Variants in CADM2 observed in about 807,000 individuals in gnomAD.
The protein encoded by CADM2 is immunoglobulin superfamily member 4D.
Under a neutral mutation model 49.8 loss-of-function variants are expected in CADM2, and 12 were observed. The ratio of observed to expected loss-of-function variants is 0.24; its 90% CI spans 0.15 to 0.39. The LOEUF (loss-of-function observed/expected upper bound fraction) is 0.39. Among genes scored for constraint, CADM2 ranks in the 10% least tolerant of loss-of-function variants. The pLI is 1.00. For missense variants in CADM2, 378 were observed against 492.3 expected (o/e 0.77, Z 2.20); for synonymous variants, 214 against 175.4 (o/e 1.22, Z -1.74).
chr3:85,459,180 C>G (rs1323386371), intron 1 of CADM2, among the ~76,000 whole-genome samples: 2 of 152,184 alleles, frequency 1.3e-5, no homozygotes, highest in Middle Eastern at 3.2e-3. Context: ...GGCCCATGTT[C>G]TCTGAGATTC....
At chr3:85,736,866 A>C (rs1039380973) in intron 2 of CADM2, among the ~76,000 whole-genome samples, 1 of 152,206 alleles carries the variant, frequency 6.6e-6, no homozygotes, top group African/African-American at 2.4e-5. Context: ...ACAGTAGTCC[A>C]GGGAGAAATA....
At chr3:85,578,580 G>T (rs185256363) in intron 1 of CADM2, among the ~76,000 whole-genome samples, 1 of 152,140 alleles carries the variant, frequency 6.6e-6, no homozygotes, top group Admixed American at 6.5e-5. Context: ...TAATTTATTC[G>T]TCAGCATCAC....
At chr3:85,476,430 C>T (rs1050614624) in intron 1 of CADM2, among the ~76,000 whole-genome samples, 12 of 151,898 alleles carry the variant, frequency 7.9e-5, no homozygotes, top group African/African-American at 2.9e-4. Context: ...AAATGATATT[C>T]TTTAAAAATA....
intron 1 of CADM2, among the ~76,000 whole-genome samples, chr3:85,208,640 C>T (rs189506435): frequency 4.6e-5 from 7 of 152,180 alleles, no homozygotes; most frequent in Admixed American, 4.6e-4. Context: ...TGCAGAATGA[C>T]AGAGGTAAAG....
At chr3:85,325,476 C>T (rs2107125232) in intron 1 of CADM2, among the ~76,000 whole-genome samples, 1 of 152,222 alleles carries the variant, frequency 6.6e-6, no homozygotes, top group Middle Eastern at 3.4e-3. Flanking sequence ...CTTTGGGAGG[C>T]CGAGGCAGGC....
intron 1 of CADM2, among the ~76,000 whole-genome samples, chr3:85,027,054 G>A (rs1303111265): frequency 7.1e-6 from 1 of 140,686 alleles, no homozygotes; most frequent in African/African-American, 2.7e-5. Flanking sequence ...TTCATGTGAT[G>A]CTTTTATGAC....
chr3:85,071,134 A>T (rs1191170553), intron 1 of CADM2, among the ~76,000 whole-genome samples: 2 of 152,092 alleles, frequency 1.3e-5, no homozygotes, highest in Non-Finnish European at 2.9e-5. Flanking sequence ...ACTTCGTAAA[A>T]GCTTTTACTT....
At chr3:85,048,736 A>C (rs1466262875) in intron 1 of CADM2, among the ~76,000 whole-genome samples, 1 of 152,140 alleles carries the variant, frequency 6.6e-6, no homozygotes, top group African/African-American at 2.4e-5. Context: ...GTAATATAGA[A>C]GACAGGATGA....
At chr3:85,212,880 T>TCTCTCTCTCTCTCTCTCTCTCTC (rs1559723868) in intron 1 of CADM2, among the ~76,000 whole-genome samples, 2 of 89,056 alleles carry the variant, frequency 2.2e-5, no homozygotes, top group African/African-American at 4.6e-5. Flanking sequence ...CTTTCTTTCT[T>TCTCTCTCTCTCTCTCTCTCTCTC]TCTTTCTCTT....
intron 8 of CADM2, among the ~76,000 whole-genome samples, chr3:86,061,796 G>A (rs1188272875): frequency 2.0e-5 from 3 of 151,980 alleles, no homozygotes; most frequent in South Asian, 2.1e-4. Flanking sequence ...GCATAGACAG[G>A]CATTTCAAAA....
At chr3:85,885,851 CAA>C (rs34486931) in intron 4 of CADM2, among the ~76,000 whole-genome samples, 7 of 91,506 alleles carry the variant, frequency 7.6e-5, no homozygotes, top group Admixed American at 1.4e-4. Context: ...GATCCTGTCT[CAA>C]AAAAAAAAAA....
At chr3:86,054,968 G>A (rs1737746799) in intron 8 of CADM2, among the ~76,000 whole-genome samples, 1 of 152,064 alleles carries the variant, frequency 6.6e-6, no homozygotes, top group East Asian at 1.9e-4. Flanking sequence ...GAAGAGTTTG[G>A]TATTGTTGAC....
intron 2 of CADM2, among the ~76,000 whole-genome samples, chr3:85,739,626 AAGGAACAC>A (rs1320483858): frequency 6.6e-6 from 1 of 152,126 alleles, no homozygotes; most frequent in Non-Finnish European, 1.5e-5. Flanking sequence ...CATCAATTAT[AAGGAACAC>A]AGTGTGAAAG....
intron 3 of CADM2, among the ~76,000 whole-genome samples, chr3:85,851,371 T>C (rs1472167110): frequency 5.3e-5 from 8 of 152,130 alleles, no homozygotes; most frequent in Admixed American, 4.6e-4. Context: ...TATTTGTCTT[T>C]TCATGTAAAA....
intron 1 of CADM2, among the ~76,000 whole-genome samples, chr3:85,505,876 C>A (rs370423708): frequency 5.3e-5 from 8 of 152,002 alleles, no homozygotes; most frequent in Non-Finnish European, 8.8e-5. Context: ...TTTTTGCTTT[C>A]GGTTATTGTT....
intron 8 of CADM2, among the ~76,000 whole-genome samples, chr3:86,033,849 A>C: frequency 6.8e-6 from 1 of 147,846 alleles, no homozygotes; most frequent in East Asian, 1.9e-4. Context: ...TGATAATTAT[A>C]TATTTATATA....
At chr3:85,892,571 C>T (rs896226527) in intron 5 of CADM2, among the ~76,000 whole-genome samples, 14 of 152,150 alleles carry the variant, frequency 9.2e-5, no homozygotes, top group Admixed American at 8.5e-4. Context: ...CCTGCACACG[C>T]TCTCTTGCCT....
intron 1 of CADM2, among the ~76,000 whole-genome samples, chr3:85,354,746 A>G (rs2107253704): frequency 6.6e-6 from 1 of 152,104 alleles, no homozygotes; most frequent in South Asian, 2.1e-4. Flanking sequence ...TCTTATAAAG[A>G]GTTGCAGCTT....
intron 1 of CADM2, among the ~76,000 whole-genome samples, chr3:85,188,984 T>C (rs1303721537): frequency 1.3e-5 from 2 of 151,696 alleles, no homozygotes; most frequent in African/African-American, 4.8e-5. Context: ...TGAGCCGAGA[T>C]TGCGCCACTG....
Sources: allele counts gnomAD v4.1 joint callset (sites outside exome capture counted in the v4.1 genomes callset), GRCh38; gene constraint gnomAD v4.1.1; transcripts MANE v1.5; gene names NCBI Gene and HGNC (gene_info 2026-07-23, HGNC 2026-07-21).